Variants in GABBR2 observed in about 807,000 individuals in gnomAD.
GABBR2 encodes the protein gamma-aminobutyric acid type B receptor subunit 2.
Under a neutral mutation model 105.6 loss-of-function variants are expected in GABBR2, and 23 were observed. The observed-to-expected ratio is 0.22, with a 90% CI of 0.16 to 0.31. The LOEUF (loss-of-function observed/expected upper bound fraction) is 0.31, where lower values mean the gene tolerates loss of function less well. GABBR2 is among the 10% of genes least tolerant of loss of function. The probability of loss-of-function intolerance (pLI) is 1.00; values close to 1 mark genes in which losing one functional copy is unlikely to be tolerated. For synonymous variants in GABBR2, 478 were observed against 499.7 expected (o/e 0.96, Z 0.58); for missense variants, 734 against 1,245.5 (o/e 0.59, Z 6.18).
At chr9:98,605,986 C>T (rs906047974) in intron 1 of GABBR2, among the ~76,000 whole-genome samples, 1 of 152,074 alleles carries the variant, frequency 6.6e-6, no homozygotes, top group Non-Finnish European at 1.5e-5. Flanking sequence ...CAAGCATTCT[C>T]ATTGTTCAAT....
At chr9:98,402,015 T>C (rs1468079799) in intron 8 of GABBR2, among the ~76,000 whole-genome samples, 3 of 152,212 alleles carry the variant, frequency 2.0e-5, no homozygotes, top group African/African-American at 7.2e-5. Context: ...CTAGGTACGT[T>C]CTGAATGACA....
rs545045653 is a variant in GABBR2 at position 98,578,901 on chromosome 9, C to T, written c.322-829G>A. On this transcript the variant is annotated intron_variant, in intron 1 of 18. Coordinates refer to ENST00000259455, the MANE Select transcript of GABBR2 (RefSeq NM_005458.8). ...GATCCCACTCATATGAGGTTATCTA[C>T]AGTAGTTAAATTCATAGAGAAAGAA... Among the ~76,000 whole-genome samples, 228 of 152,256 alleles carry T rather than the reference C, an allele frequency of 1.5e-3. 1 individual carries two copies. Among genetic ancestry groups the T allele is most frequent in the Middle Eastern group, 6.8e-3 (2 of 294 alleles).
At chr9:98,600,081 T>A (rs1419454264) in intron 1 of GABBR2, among the ~76,000 whole-genome samples, 2 of 152,146 alleles carry the variant, frequency 1.3e-5, no homozygotes, top group Non-Finnish European at 2.9e-5. Context: ...TACTGAGGCA[T>A]GCATCTGAAA....
intron 13 of GABBR2, 120 bp from the exon 14 acceptor site, chr9:98,311,325 C>T: frequency 1.6e-6 from 1 of 630,312 alleles, no homozygotes; most frequent in Non-Finnish European, 2.9e-6. Context: ...GTTCAGCAGG[C>T]CATTTGGACC....
chr9:98,318,210 C>T (rs890521724), intron 13 of GABBR2, among the ~76,000 whole-genome samples: 6 of 152,168 alleles, frequency 3.9e-5, no homozygotes, highest in African/African-American at 1.2e-4. Flanking sequence ...TTCAGGTGCG[C>T]GGTCCCGGGT....
chr9:98,649,575 A>G (rs1830077187), intron 1 of GABBR2, among the ~76,000 whole-genome samples: 1 of 152,208 alleles, frequency 6.6e-6, no homozygotes, highest in Non-Finnish European at 1.5e-5. Flanking sequence ...CAGCAGCAAA[A>G]TAAGAAGAAT....
intron 1 of GABBR2, among the ~76,000 whole-genome samples, chr9:98,703,103 G>T (rs1357196853): frequency 6.6e-6 from 1 of 152,208 alleles, no homozygotes; most frequent in Non-Finnish European, 1.5e-5. Flanking sequence ...CGCTGAAACA[G>T]TTGGGAAAGA....
At chr9:98,368,435 G>A (rs1430306711) in intron 12 of GABBR2, among the ~76,000 whole-genome samples, 2 of 152,236 alleles carry the variant, frequency 1.3e-5, no homozygotes, top group South Asian at 2.1e-4. Context: ...AGCTCTCAGA[G>A]TTGGCCCAGA....
chr9:98,426,545 C>T (rs2131563467), intron 7 of GABBR2, among the ~76,000 whole-genome samples: 1 of 152,338 alleles, frequency 6.6e-6, no homozygotes, highest in East Asian at 1.9e-4. Flanking sequence ...GGCTGGCAGA[C>T]AGGTGTCCCT....
At chr9:98,428,305 A>C (rs1825735319) in intron 7 of GABBR2, among the ~76,000 whole-genome samples, 1 of 152,148 alleles carries the variant, frequency 6.6e-6, no homozygotes, top group African/African-American at 2.4e-5. Context: ...GATTCAACAA[A>C]GTGGGAGACA....
intron 1 of GABBR2, among the ~76,000 whole-genome samples, chr9:98,690,935 T>C (rs1830675342): frequency 6.6e-6 from 1 of 152,230 alleles, no homozygotes; most frequent in African/African-American, 2.4e-5. Flanking sequence ...CAACCTGGCC[T>C]CTCACTGCTG....
At chr9:98,292,772 C>T (rs1830321272) in intron 18 of GABBR2, among the ~76,000 whole-genome samples, 1 of 152,240 alleles carries the variant, frequency 6.6e-6, no homozygotes. Flanking sequence ...GAGCATTCTT[C>T]TGTCTGTTAG....
chr9:98,688,263 G>A (rs1429325472), intron 1 of GABBR2, among the ~76,000 whole-genome samples: 2 of 152,086 alleles, frequency 1.3e-5, no homozygotes, highest in East Asian at 3.8e-4. Flanking sequence ...GTAACAACAG[G>A]AAATTTGTTT....
In GABBR2 at chr9:98,698,087, T is replaced by C. The variant is rs551458350; in HGVS notation, c.321+10330A>G. 2.0e-5 allele frequency among the ~76,000 whole-genome samples: 3 copies of C among 152,298 alleles called. No individual in the cohort carries two copies. In the South Asian group the frequency reaches 6.2e-4, roughly 32 times the overall value. On this transcript the variant is annotated intron_variant, in intron 1 of 18. Transcript: ENST00000259455. ...TGGATCATAAGAAGAGTGTGAAAAA[T>C]ATCATTTTTCTCTGTGCCACCTCCT... is the stretch of plus-strand genomic sequence containing the variant.
At chr9:98,508,625 A>C (rs13295966) in intron 3 of GABBR2, among the ~76,000 whole-genome samples, 52,278 of 151,850 alleles carry the variant, frequency 0.34, 9,264 homozygotes, top group Middle Eastern at 0.5. Context: ...TATCCCGCGC[A>C]TGGCTCGGAG....
chr9:98,449,932 T>C (rs1187256037), intron 7 of GABBR2, among the ~76,000 whole-genome samples: 2 of 152,112 alleles, frequency 1.3e-5, no homozygotes, highest in Non-Finnish European at 2.9e-5. Flanking sequence ...GGAGAGTCAC[T>C]GGGAGCAGAG....
intron 13 of GABBR2, among the ~76,000 whole-genome samples, chr9:98,361,099 A>G (rs549780190): frequency 6.6e-6 from 1 of 152,104 alleles, no homozygotes; most frequent in African/African-American, 2.4e-5. Flanking sequence ...TGCCCTACTC[A>G]CTTCCCAGAT....
intron 4 of GABBR2, among the ~76,000 whole-genome samples, chr9:98,489,717 A>G (rs1013639148): frequency 5.3e-5 from 8 of 151,648 alleles, no homozygotes; most frequent in African/African-American, 1.9e-4. Context: ...ACCATCACAC[A>G]ATTGGGATGG....
chr9:98,361,318 A>G (rs542608340), intron 13 of GABBR2, among the ~76,000 whole-genome samples: 1 of 152,146 alleles, frequency 6.6e-6, no homozygotes, highest in Non-Finnish European at 1.5e-5. Context: ...TACCTCCCAG[A>G]ATTGCTGTGA....
Sources: gnomAD v4.1 joint callset for allele counts (sites outside exome capture counted in the v4.1 genomes callset) on GRCh38, gnomAD v4.1.1 for gene constraint, MANE v1.5 for transcripts, NCBI Gene and HGNC (gene_info 2026-07-23, HGNC 2026-07-21) for gene names.